UCN3: variants seen among roughly 807,000 people sequenced by gnomAD.
UCN3 encodes the protein urocortin-3.
A neutral mutation model predicts 3.6 loss-of-function variants in UCN3; 3 were observed. The observed-to-expected ratio is 0.83, with a 90% CI of 0.38 to 2.15. The LOEUF is 2.15. UCN3 is among the 30% of genes most tolerant of loss of function. UCN3 has a pLI of 0.06. For synonymous variants in UCN3, 100 were observed against 93.2 expected (o/e 1.07, Z -0.42); for missense variants, 206 against 208.3 (o/e 0.99, Z 0.07).
Position 5,366,414 on chromosome 10 carries a change from A to G in UCN3, c.-7+1184A>G, listed in dbSNP as rs376594025. On this transcript the variant is annotated intron_variant, in intron 1 of 1. Transcript: ENST00000380433. The surrounding 1 kb of genome is among the most constrained non-coding windows in gnomAD (Gnocchi z 4.2). ...TATTTTCGTGGCAGACTGCAGAGAAATCTTAAACTTTTGTGCTGTTTCACC... is the reference window on the plus strand; with the variant it reads ...TATTTTCGTGGCAGACTGCAGAGAAGTCTTAAACTTTTGTGCTGTTTCACC... Among the ~76,000 whole-genome samples, 9 of 152,354 alleles carry G rather than the reference A, an allele frequency of 5.9e-5. No individual in the cohort carries two copies. The East Asian group carries it at 1.7e-3, about 29-fold the overall frequency.
At chr10:5,371,005 ATG>A (rs1554811469) in intron 1 of UCN3, among the ~76,000 whole-genome samples, 2 of 148,742 alleles carry the variant, frequency 1.3e-5, no homozygotes, top group Admixed American at 1.3e-4. Flanking sequence ...GTGTGTGCAT[ATG>A]TGTGCATATA....
At chr10:5,370,778 CGTGTGTGTGTGTATGCGTGTGT>C (rs1831395169) in intron 1 of UCN3, among the ~76,000 whole-genome samples, 1 of 72,456 alleles carries the variant, frequency 1.4e-5, no homozygotes, top group East Asian at 5.1e-4. Context: ...TGTGTATATG[CGTGTGTGTGTGTATGCGTGTGT>C]ATATGTGTGT....
At chr10:5,369,100 C>G (rs1038723861) in intron 1 of UCN3, among the ~76,000 whole-genome samples, 4 of 152,172 alleles carry the variant, frequency 2.6e-5, no homozygotes, top group African/African-American at 9.7e-5. Flanking sequence ...AGTTGAGAAC[C>G]GCTTACTTAG....
chr10:5,369,136 G>C (rs1041850751), intron 1 of UCN3, among the ~76,000 whole-genome samples: 1 of 152,090 alleles, frequency 6.6e-6, no homozygotes, highest in Non-Finnish European at 1.5e-5. Flanking sequence ...AGTCTGCACA[G>C]GTCAGGGTGG....
At chr10:5,371,930 C>G (rs1831434527) in intron 1 of UCN3, among the ~76,000 whole-genome samples, 1 of 152,100 alleles carries the variant, frequency 6.6e-6, no homozygotes, top group Non-Finnish European at 1.5e-5. Context: ...AGGAAAAGCC[C>G]TCAAATGTAA....
At chr10:5,370,812 TGCGTGTGTGTGC>T (rs1281008818) in intron 1 of UCN3, among the ~76,000 whole-genome samples, 6 of 116,394 alleles carry the variant, frequency 5.2e-5, no homozygotes, top group South Asian at 3.4e-4. Context: ...TATGTGTGTG[TGCGTGTGTGTGC>T]GCGCGTGTGT....
rs2132244042 is a variant in UCN3, at chr10:5,366,684, T to C, written c.-7+1454T>C. Among the ~76,000 whole-genome samples the C allele has an allele frequency of 6.6e-6, 1 of 152,342 alleles. No homozygotes were observed. Among genetic ancestry groups the C allele is most frequent in the South Asian group, 2.1e-4 (1 of 4,828 alleles). ...AACCATCCAGGGTTGCAAAGAACCC[T>C]TACATTTTAAACGATCTAAAACTAA... On this transcript the variant is annotated intron_variant, in intron 1 of 1. Coordinates refer to ENST00000380433, the MANE Select transcript of UCN3 (RefSeq NM_053049.4). This position sits in a 1 kb window ranked among gnomAD's most constrained non-coding sequence, Gnocchi z 4.2.
rs1834112685 is a variant in UCN3, at chr10:5,365,875, G to A, written c.-7+645G>A. ...CCCTTTGCCACACTAGGAACATTGC[G>A]GGGGTGTGTGCAGATACCTACAATG... On this transcript the variant is annotated intron_variant, in intron 1 of 1. Coordinates refer to ENST00000380433, the MANE Select transcript of UCN3 (RefSeq NM_053049.4). This position sits in a 1 kb window ranked among gnomAD's most constrained non-coding sequence, Gnocchi z 4.4. Among the ~76,000 whole-genome samples the A allele has an allele frequency of 1.3e-5, 2 of 152,172 alleles. No individual in the cohort carries two copies. Among genetic ancestry groups the A allele is most frequent in the Admixed American group, 6.5e-5 (1 of 15,284 alleles).
chr10:5,368,713 G>A (rs1831290746), intron 1 of UCN3, among the ~76,000 whole-genome samples: 1 of 152,026 alleles, frequency 6.6e-6, no homozygotes, highest in Admixed American at 6.6e-5. Flanking sequence ...ATGCCTTCAA[G>A]GTATAAGGCA....
chr10:5,369,251 A>C (rs1484729233), intron 1 of UCN3, among the ~76,000 whole-genome samples: 3 of 152,224 alleles, frequency 2.0e-5, no homozygotes, highest in Non-Finnish European at 4.4e-5. Context: ...CTCTCTGTAC[A>C]TATGTGTATT....
At chr10:5,369,993 GTATGTGTGTGTGTA>G (rs1564442193) in intron 1 of UCN3, among the ~76,000 whole-genome samples, 1 of 86,022 alleles carries the variant, frequency 1.2e-5, no homozygotes, top group African/African-American at 4.4e-5. Flanking sequence ...GTATATGTGT[GTATGTGTGTGTGTA>G]TGTGTGTGTA....
chr10:5,372,033 T>G (rs1422524270), intron 1 of UCN3, among the ~76,000 whole-genome samples: 1 of 152,234 alleles, frequency 6.6e-6, no homozygotes, highest in Non-Finnish European at 1.5e-5. Context: ...TGTCGGGGTG[T>G]GAGCGGGGCC....
In UCN3 at chr10:5,364,996, C is replaced by T. The variant is rs782531090; in HGVS notation, c.-241C>T. On this transcript the variant is annotated 5_prime_UTR_variant, in exon 1 of 2. In the 5' UTR this introduces an upstream ATG that the reference lacks. Transcript: ENST00000380433. ...AAATCTCATCCCAGCGTAGACACCA[C>T]GTCTGGAATTACGATCCACCCTGTG... The T allele has an allele frequency of 6.6e-6, 1 of 152,104 alleles. No homozygotes were observed. Among genetic ancestry groups the T allele is most frequent in the Non-Finnish European group, 1.5e-5 (1 of 68,032 alleles). 9.4% of individuals were successfully genotyped at this position (152,104 alleles called of 1,614,324 possible).
intron 1 of UCN3, among the ~76,000 whole-genome samples, chr10:5,369,408 T>G (rs973938892): frequency 6.6e-6 from 1 of 152,238 alleles, no homozygotes; most frequent in Non-Finnish European, 1.5e-5. Flanking sequence ...ATACACACAT[T>G]GACGTTTCTC....
Position 5,370,212 on chromosome 10 carries a change from T to TGC in UCN3, c.-6-3502_-6-3501insCG, listed in dbSNP as rs1491366685. Among the ~76,000 whole-genome samples, 2 of 12,470 alleles carry TGC rather than the reference T, an allele frequency of 1.6e-4. 1 individual carries two copies. The highest frequency in any genetic ancestry group is 2.7e-4 in the Non-Finnish European group (2 of 7,294). 8.2% of individuals were successfully genotyped at this position (12,470 alleles called of 152,430 possible). On this transcript the variant is annotated intron_variant, in intron 1 of 1. Coordinates refer to ENST00000380433, the MANE Select transcript of UCN3 (RefSeq NM_053049.4). Reference sequence around the variant, plus strand: ...ATATGCGTGTGTATATGCGTGTGTATGTGTGTGTATGTGCGTGTGTGTATG... The same window carrying TGC: ...ATATGCGTGTGTATATGCGTGTGTATGCGTGTGTGTATGTGCGTGTGTGTATG...
Position 5,365,843 on chromosome 10 carries a change from C to T in UCN3, c.-7+613C>T, listed in dbSNP as rs1554810671. 2.6e-5 allele frequency among the ~76,000 whole-genome samples: 4 copies of T among 152,170 alleles called. No homozygotes were observed. ...CCAGCCAGGTCCTCTGCCACCAAAG[C>T]CCAGAGCCCTTTGCCACACTAGGAA... On this transcript the variant is annotated intron_variant, in intron 1 of 1. Transcript: ENST00000380433. The surrounding 1 kb of genome is among the most constrained non-coding windows in gnomAD (Gnocchi z 4.4).
intron 1 of UCN3, among the ~76,000 whole-genome samples, chr10:5,370,522 T>C (rs1392589112): frequency 1.9e-5 from 2 of 108,082 alleles, no homozygotes; most frequent in African/African-American, 3.6e-5. Context: ...TATGTGTGTG[T>C]ATGTGTGTGT....
rs1445936409 is a variant in UCN3, at chr10:5,365,600, G to A, written c.-7+370G>A. 1.3e-5 allele frequency among the ~76,000 whole-genome samples: 2 copies of A among 152,170 alleles called. No individual in the cohort carries two copies. The highest frequency in any genetic ancestry group is 2.9e-5 in the Non-Finnish European group (2 of 68,028). On this transcript the variant is annotated intron_variant, in intron 1 of 1. Transcript: ENST00000380433. The surrounding 1 kb of genome is among the most constrained non-coding windows in gnomAD (Gnocchi z 4.4). The stretch of plus-strand genomic sequence containing the variant: ...AAATGGGGATGGGGTAGGGATGCCG[G>A]GGCTAATGGGAGCCACAGGACATGA...
chr10:5,371,987 A>C (rs1239815711), intron 1 of UCN3, among the ~76,000 whole-genome samples: 1 of 152,174 alleles, frequency 6.6e-6, no homozygotes, highest in Non-Finnish European at 1.5e-5. Flanking sequence ...AGCCCAGGGG[A>C]TGGTTCATCC....
Sources: gnomAD v4.1 joint callset for allele counts (sites outside exome capture counted in the v4.1 genomes callset) on GRCh38, gnomAD v4.1.1 for gene constraint, Gnocchi (gnomAD v3.1) non-coding constraint, MANE v1.5 for transcripts, NCBI Gene and HGNC (gene_info 2026-07-23, HGNC 2026-07-21) for gene names.